COG7: variants seen among roughly 807,000 people sequenced by gnomAD.
COG7 encodes the protein component of oligomeric golgi complex 7, also known as conserved oligomeric Golgi complex subunit 7.
In COG7, 49 loss-of-function variants were observed where a neutral mutation model predicts 91.5. The ratio of observed to expected loss-of-function variants is 0.54; its 90% CI spans 0.43 to 0.68. The LOEUF (loss-of-function observed/expected upper bound fraction) is 0.68, where lower values mean the gene tolerates loss of function less well. Ranked by LOEUF, COG7 falls within the 30% of genes least tolerant of loss-of-function variation. COG7 has a pLI of 0.00. For synonymous variants in COG7, 365 were observed against 388.7 expected (o/e 0.94, Z 0.72); for missense variants, 895 against 961.3 (o/e 0.93, Z 0.91).
At chr16:23,390,920 A>G (rs1963185103) in intron 16 of COG7, among the ~76,000 whole-genome samples, 1 of 152,256 alleles carries the variant, frequency 6.6e-6, no homozygotes, top group South Asian at 2.1e-4. Flanking sequence ...AGAGCTGCAA[A>G]GAGCGGGCCC....
chr16:23,453,154 C>G lies in COG7; in HGVS notation c.-160G>C. ...TAACTTGCCCCTTTGCGCTTCCCCGCTCAGCGCACTCAGTTTGCGGCTGGG... is the reference window on the plus strand; with the variant it reads ...TAACTTGCCCCTTTGCGCTTCCCCGGTCAGCGCACTCAGTTTGCGGCTGGG... On this transcript the variant is annotated 5_prime_UTR_variant, in exon 1 of 17. Coordinates refer to ENST00000307149, the MANE Select transcript of COG7 (RefSeq NM_153603.4). 7.1e-7 allele frequency: 1 copy of G among 1,413,240 alleles called. No homozygotes were observed. Among genetic ancestry groups the G allele is most frequent in the Non-Finnish European group, 9.3e-7 (1 of 1,076,532 alleles). 87.5% of individuals were successfully genotyped at this position (1,413,240 alleles called of 1,614,324 possible). A position where few individuals can be genotyped will look rare whatever the true frequency, so the allele number is the denominator to read the frequency against.
At chr16:23,392,839 G>A (rs1963222459) in intron 15 of COG7, among the ~76,000 whole-genome samples, 1 of 152,152 alleles carries the variant, frequency 6.6e-6, no homozygotes, top group Non-Finnish European at 1.5e-5. Context: ...GCTGAGGCAG[G>A]AGAATTGCTT....
intron 16 of COG7, among the ~76,000 whole-genome samples, chr16:23,390,533 G>A (rs1963177570): frequency 6.6e-6 from 1 of 151,932 alleles, no homozygotes; most frequent in Non-Finnish European, 1.5e-5. Context: ...CTGATCTTGG[G>A]TTCATCTCTT....
chr16:23,422,552 T>C (rs1274019705), intron 7 of COG7, among the ~76,000 whole-genome samples: 2 of 150,026 alleles, frequency 1.3e-5, no homozygotes, highest in Non-Finnish European at 3.0e-5. Flanking sequence ...ATTTATATGG[T>C]AGATATTAAG....
At chr16:23,417,715 G>A (rs549635299) in intron 8 of COG7, among the ~76,000 whole-genome samples, 1 of 152,236 alleles carries the variant, frequency 6.6e-6, no homozygotes, top group Non-Finnish European at 1.5e-5. Context: ...CTGTGATTGT[G>A]CCACTGCACT....
At position 23,388,975 on chromosome 16, in the gene COG7, C is replaced by A. The variant is rs754435509; in HGVS notation, c.2258G>T (p.Gly753Val). 5 of 1,613,942 alleles carry A rather than the reference C, an allele frequency of 3.1e-6. No homozygotes were observed. The highest frequency in any genetic ancestry group is 1.1e-5 in the South Asian group (1 of 91,060). Reference sequence around the variant, plus strand: ...GGTGGTGGCCAGGCGACGGGGCAGGCCTTTGCTGACCTGTCTATAGTCCTC... The same window carrying A: ...GGTGGTGGCCAGGCGACGGGGCAGGACTTTGCTGACCTGTCTATAGTCCTC... The part of the protein sequence containing the change: ...RPEDYRQVSK[G>V]LPRRLATTVA... The change falls in exon 17 of 17, where the codon GGC (glycine) becomes GTC (valine). Residue 753 changes from glycine to valine, a missense_variant. Physicochemically the swap from Gly to Val is moderately radical, Grantham distance 109. Transcript: ENST00000307149.
intron 11 of COG7, among the ~76,000 whole-genome samples, chr16:23,409,401 T>C (rs1038835576): frequency 6.6e-6 from 1 of 152,140 alleles, no homozygotes; most frequent in Non-Finnish European, 1.5e-5. Flanking sequence ...GGGCCAGATA[T>C]AGGGAGATTG....
chr16:23,442,664 G>A lies in COG7; in HGVS notation c.436-19C>T, dbSNP rs1334599044. 5 of 1,604,430 alleles carry A rather than the reference G, an allele frequency of 3.1e-6. No individual in the cohort carries two copies. The South Asian group carries it at 4.4e-5, about 14-fold the overall frequency. ...CTATGTCCTAGAAAAGACCAGAATAGAGAATATTTATTTTAAATGATCCCT... is the reference window on the plus strand; with the variant it reads ...CTATGTCCTAGAAAAGACCAGAATAAAGAATATTTATTTTAAATGATCCCT... On this transcript the variant is annotated intron_variant, in intron 3 of 16. Coordinates refer to ENST00000307149, the MANE Select transcript of COG7 (RefSeq NM_153603.4).
chr16:23,420,910 ATTTTTT>A (rs72250117), intron 7 of COG7, among the ~76,000 whole-genome samples: 33 of 118,486 alleles, frequency 2.8e-4, no homozygotes, highest in African/African-American at 3.5e-4. Flanking sequence ...TACCTGGCTA[ATTTTTT>A]TTTTTTTTTT....
chr16:23,404,547 G>A (rs1963428904), intron 12 of COG7, among the ~76,000 whole-genome samples: 1 of 152,226 alleles, frequency 6.6e-6, no homozygotes, highest in Non-Finnish European at 1.5e-5. Context: ...GGGAGGCCCT[G>A]GGAGAATAGC....
At chr16:23,411,370 T>C (rs1963558713) in intron 10 of COG7, among the ~76,000 whole-genome samples, 2 of 152,202 alleles carry the variant, frequency 1.3e-5, no homozygotes, top group South Asian at 4.1e-4. Flanking sequence ...CATTCCATCA[T>C]AAGAAAAGTT....
At chr16:23,403,128 A>G (rs565515309) in intron 13 of COG7, among the ~76,000 whole-genome samples, 11 of 152,340 alleles carry the variant, frequency 7.2e-5, no homozygotes, top group South Asian at 2.1e-4. Flanking sequence ...TAGAACAGGC[A>G]ATGCCTTGAA....
Position 23,392,426 on chromosome 16 carries a change from G to T in COG7, c.2100C>A (p.Ile700=). 6.2e-7 allele frequency: 1 copy of T among 1,614,200 alleles called. No homozygotes were observed. Among genetic ancestry groups the T allele is most frequent in the Non-Finnish European group, 8.5e-7 (1 of 1,180,046 alleles). ...TGGCAGAGTGTGGGCTCAGCTCAGG[G>T]ATCTGTAGGATCGCATCACAGTAGG... is the stretch of plus-strand genomic sequence containing the variant. ...MQTYCDAILQ[I]PELSPHSAKQ... is the part of the protein sequence containing the mutation. The change falls in exon 16 of 17, where the codon ATC becomes ATA. Residue 700 remains isoleucine, a synonymous_variant. Coordinates refer to ENST00000307149, the MANE Select transcript of COG7 (RefSeq NM_153603.4).
chr16:23,453,152 C>A lies in COG7; in HGVS notation c.-158G>T, dbSNP rs374816126. On this transcript the variant is annotated 5_prime_UTR_variant, in exon 1 of 17. Transcript: ENST00000307149. ...GGTAACTTGCCCCTTTGCGCTTCCC[C>A]GCTCAGCGCACTCAGTTTGCGGCTG... 11 of 1,420,784 alleles carry A rather than the reference C, an allele frequency of 7.7e-6. No homozygotes were observed. The Admixed American group carries it at 2.4e-4, about 31-fold the overall frequency. The allele number at this position is 1,420,784 out of a possible 1,614,324, so 88.0% of individuals were successfully genotyped here.
At chr16:23,398,977 G>C (rs1475209240) in intron 13 of COG7, among the ~76,000 whole-genome samples, 1 of 151,792 alleles carries the variant, frequency 6.6e-6, no homozygotes, top group African/African-American at 2.4e-5. Context: ...CAAAAATCTC[G>C]CTTCTTACTT....
chr16:23,439,158 C>CAT (rs1424944333), intron 4 of COG7, among the ~76,000 whole-genome samples: 2 of 53,744 alleles, frequency 3.7e-5, no homozygotes, highest in African/African-American at 1.5e-4. Context: ...ACTGTGTCTC[C>CAT]AAAAAAAAAA....
chr16:23,439,304 CAAAAAA>C (rs904010571), intron 4 of COG7, among the ~76,000 whole-genome samples: 2 of 38,834 alleles, frequency 5.2e-5, no homozygotes, highest in South Asian at 7.9e-4. Flanking sequence ...ACTGTGTCTC[CAAAAAA>C]AAAAAAAAAA....
intron 6 of COG7, among the ~76,000 whole-genome samples, chr16:23,425,498 TTTTTA>T (rs956580855): frequency 2.0e-5 from 3 of 151,962 alleles, no homozygotes; most frequent in Non-Finnish European, 2.9e-5. Flanking sequence ...CCTGATTAAT[TTTTTA>T]TTTTATTTTA....
chr16:23,441,280 T>G (rs113690304), intron 4 of COG7, among the ~76,000 whole-genome samples: 67 of 152,278 alleles, frequency 4.4e-4, no homozygotes, highest in African/African-American at 1.6e-3. Context: ...TTTTTGTAAA[T>G]AAAGTTTTAC....
Sources: gnomAD v4.1 joint callset for allele counts (sites outside exome capture counted in the v4.1 genomes callset) on GRCh38, gnomAD v4.1.1 for gene constraint, MANE v1.5 for transcripts, NCBI Gene and HGNC (gene_info 2026-07-23, HGNC 2026-07-21) for gene names.